SDK1: variants seen among roughly 807,000 people sequenced by gnomAD.
The protein encoded by SDK1 is sidekick cell adhesion molecule 1, also known as protein sidekick-1.
In SDK1, 157 loss-of-function variants were observed where a neutral mutation model predicts 245.5. The ratio of observed to expected loss-of-function variants is 0.64; its 90% CI spans 0.56 to 0.73. The LOEUF (loss-of-function observed/expected upper bound fraction) is 0.73. Ranked by LOEUF, SDK1 falls within the 30% of genes least tolerant of loss-of-function variation. The pLI is 0.00. For missense variants in SDK1, 3,583 were observed against 3,002.3 expected (o/e 1.19, Z -4.52); for synonymous variants, 1,647 against 1,278.5 (o/e 1.29, Z -6.15).
At chr7:3,597,041 C>T (rs1445513812) in intron 1 of SDK1, among the ~76,000 whole-genome samples, 4 of 152,148 alleles carry the variant, frequency 2.6e-5, no homozygotes, top group South Asian at 2.1e-4. Flanking sequence ...GAGGCCGAGG[C>T]AGGCGGATCA....
intron 37 of SDK1, among the ~76,000 whole-genome samples, chr7:4,209,370 G>C (rs934386224): frequency 7.9e-5 from 12 of 152,194 alleles, no homozygotes; most frequent in South Asian, 4.1e-4. Flanking sequence ...CACCTAGGCT[G>C]TCTGGTAGGG....
chr7:3,783,335 A>G (rs933449131), intron 4 of SDK1, among the ~76,000 whole-genome samples: 8 of 152,166 alleles, frequency 5.3e-5, no homozygotes, highest in Non-Finnish European at 7.4e-5. Context: ...TATATTTAAC[A>G]TAGCATTGGA....
chr7:3,612,252 A>G (rs1159544022), intron 1 of SDK1, among the ~76,000 whole-genome samples: 2 of 152,222 alleles, frequency 1.3e-5, no homozygotes, highest in Non-Finnish European at 2.9e-5. Context: ...AAAAAAATTA[A>G]AAATCCTATC....
intron 1 of SDK1, among the ~76,000 whole-genome samples, chr7:3,373,641 T>TC (rs1781283125): frequency 6.6e-6 from 1 of 152,132 alleles, no homozygotes; most frequent in East Asian, 1.9e-4. Context: ...CTGTTCTTTT[T>TC]TTTTTTGGAT....
intron 1 of SDK1, among the ~76,000 whole-genome samples, chr7:3,328,530 A>C (rs1167531601): frequency 1.3e-5 from 2 of 152,228 alleles, no homozygotes; most frequent in South Asian, 4.1e-4. Context: ...ATATAAAAAA[A>C]CTTGGTTAAA....
intron 1 of SDK1, among the ~76,000 whole-genome samples, chr7:3,611,672 A>G (rs1161827341): frequency 6.6e-6 from 1 of 152,120 alleles, no homozygotes; most frequent in African/African-American, 2.4e-5. Context: ...CAGCAGTGTA[A>G]AAGTGTTCCC....
At chr7:4,107,047 G>A (rs924283342) in intron 22 of SDK1, among the ~76,000 whole-genome samples, 4 of 150,876 alleles carry the variant, frequency 2.7e-5, no homozygotes, top group Non-Finnish European at 4.4e-5. Context: ...CAGAGCCCCC[G>A]CCCAGGACCC....
chr7:4,219,998 T>C, intron 38 of SDK1, 111 bp from the exon 39 acceptor site: 1 of 1,309,684 alleles, frequency 7.6e-7, no homozygotes, highest in South Asian at 1.5e-5. Context: ...AAGAAATACT[T>C]CCTTAGCAAA....
At chr7:4,052,212 C>T (rs1018301043) in intron 19 of SDK1, among the ~76,000 whole-genome samples, 2 of 144,646 alleles carry the variant, frequency 1.4e-5, no homozygotes, top group South Asian at 2.4e-4. Flanking sequence ...TCCTGACCCT[C>T]GCTCCCAGGG....
At chr7:3,646,542 G>A (rs545006995) in intron 4 of SDK1, among the ~76,000 whole-genome samples, 1 of 152,152 alleles carries the variant, frequency 6.6e-6, no homozygotes, top group East Asian at 1.9e-4. Flanking sequence ...CTTACCCCAG[G>A]GCCCCCAGCC....
chr7:3,385,054 G>A (rs7785195), intron 1 of SDK1, among the ~76,000 whole-genome samples: 97,415 of 151,944 alleles, frequency 0.64, 31,429 homozygotes, highest in South Asian at 0.77. Context: ...AACACAAACA[G>A]TTTGTCAGTA....
At chr7:3,445,918 C>T (rs778907685) in intron 1 of SDK1, among the ~76,000 whole-genome samples, 16 of 151,812 alleles carry the variant, frequency 1.1e-4, no homozygotes, top group South Asian at 2.1e-4. Context: ...ACTTTCTTTA[C>T]ATATTCTTGA....
At chr7:4,063,599 A>AAAAAAAAAAC (rs1554327557) in intron 19 of SDK1, among the ~76,000 whole-genome samples, 2 of 148,882 alleles carry the variant, frequency 1.3e-5, no homozygotes, top group African/African-American at 5.0e-5. Context: ...AGAAATAGCA[A>AAAAAAAAAAC]AAAAAAAAAA....
In SDK1 at chr7:4,265,630, T is replaced by C. The variant is rs1449681846; in HGVS notation, c.*246T>C. On this transcript the variant is annotated 3_prime_UTR_variant, in exon 45 of 45. Coordinates refer to ENST00000404826, the MANE Select transcript of SDK1 (RefSeq NM_152744.4). ...TTTCTTTTCTTTTTAAGAGAAGGTG[T>C]ATTTCACTGGTGCAATGGCTTGGCA... The C allele has an allele frequency of 2.3e-6, 3 of 1,313,908 alleles. No homozygotes were observed. The highest frequency in any genetic ancestry group is 2.9e-4 in the Middle Eastern group (1 of 3,502). 81.4% of individuals were successfully genotyped at this position (1,313,908 alleles called of 1,614,324 possible). A position where few individuals can be genotyped will look rare whatever the true frequency, so the allele number is the denominator to read the frequency against.
intron 22 of SDK1, among the ~76,000 whole-genome samples, chr7:4,101,040 C>T (rs1477424358): frequency 1.3e-5 from 2 of 152,214 alleles, no homozygotes; most frequent in Non-Finnish European, 2.9e-5. Flanking sequence ...TAGGCCAGTG[C>T]TCTCCGCACT....
chr7:4,006,017 A>C (rs1489742198), intron 14 of SDK1, among the ~76,000 whole-genome samples: 1 of 152,208 alleles, frequency 6.6e-6, no homozygotes, highest in African/African-American at 2.4e-5. Context: ...CAGTGAGCCG[A>C]GATTGCGCCA....
Position 4,212,193 on chromosome 7 carries a change from T to G in SDK1, c.5539+2031T>G, listed in dbSNP as rs115031483. On this transcript the variant is annotated intron_variant, in intron 38 of 44. Transcript: ENST00000404826. ...ATTTAAAGCCGTGATAAAAGTTTCC[T>G]TTAAAAATAAGCACATTTAGATGAA... Among the ~76,000 whole-genome samples the G allele has an allele frequency of 5.8e-3, 887 of 152,268 alleles. 7 individuals carry two copies. Among genetic ancestry groups the G allele is most frequent in the African/African-American group, 0.02 (828 of 41,526 alleles).
At chr7:3,863,448 A>G (rs1780745145) in intron 5 of SDK1, among the ~76,000 whole-genome samples, 1 of 152,162 alleles carries the variant, frequency 6.6e-6, no homozygotes, top group Non-Finnish European at 1.5e-5. Context: ...TTACCATTTT[A>G]ACTATGTTTG....
At chr7:4,144,776 C>T (rs923570963) in intron 28 of SDK1, among the ~76,000 whole-genome samples, 4 of 152,164 alleles carry the variant, frequency 2.6e-5, no homozygotes, top group African/African-American at 7.2e-5. Context: ...GGCCACTCCA[C>T]GAAGAGGCAG....
Sources: gnomAD v4.1 joint callset for allele counts (sites outside exome capture counted in the v4.1 genomes callset) on GRCh38, gnomAD v4.1.1 for gene constraint, MANE v1.5 for transcripts, NCBI Gene and HGNC (gene_info 2026-07-23, HGNC 2026-07-21) for gene names.